Variants in ECPAS observed in about 807,000 individuals in gnomAD.
ECPAS encodes proteasome adapter and scaffold protein ECM29.
In ECPAS, 70 loss-of-function variants were observed where a neutral mutation model predicts 255.1. The observed-to-expected ratio is 0.27, with a 90% CI of 0.23 to 0.33. The LOEUF (loss-of-function observed/expected upper bound fraction) is 0.33, where lower values mean the gene tolerates loss of function less well. ECPAS is among the 10% of genes least tolerant of loss of function. The pLI is 1.00. For missense variants in ECPAS, 1,817 were observed against 2,206.4 expected, an observed-to-expected ratio of 0.82 and a Z score of 3.54; for synonymous variants, 784 against 775.0, an observed-to-expected ratio of 1.01 and a Z score of -0.19.
chr9:111,442,380 T>C lies in ECPAS; in HGVS notation c.315A>G (p.Pro105=). 1 of 1,612,888 alleles carries C rather than the reference T, an allele frequency of 6.2e-7. No homozygotes were observed. The highest frequency in any genetic ancestry group is 1.1e-5 in the South Asian group (1 of 90,686). ...IYVKMGYPRL[P]VEKQCELAPT... ...GGGCCAGTTCACATTGTTTTTCCAC[T>C]GGTAGGCGAGGATAGCCCATTTTAA... Residue 105 remains proline (P), a synonymous_variant, in exon 5 of 50, where the codon CCA becomes CCG. Transcript: ENST00000684092.
In ECPAS at chr9:111,366,460, G is replaced by A. The variant is rs137972310; in HGVS notation, c.5219+62C>T. The A allele has an allele frequency of 2.0e-4, 275 of 1,351,616 alleles. 4 individuals carry two copies. The East Asian group carries it at 6.2e-3, about 30-fold the overall frequency. The allele number at this position is 1,351,616 out of a possible 1,614,324, so 83.7% of individuals were successfully genotyped here. A position where few individuals can be genotyped will look rare whatever the true frequency, so the allele number is the denominator to read the frequency against. ...TTTTTAAATGTATAAAAATTCCATT[G>A]ATTATACATAAAATGCTGCGGGGAG... is the stretch of plus-strand genomic sequence containing the variant. On this transcript the variant is annotated intron_variant, in intron 47 of 49. Coordinates refer to ENST00000684092, the MANE Select transcript of ECPAS (RefSeq NM_001364929.1).
At chr9:111,363,694 C>A in intron 48 of ECPAS, 35 bp from the exon 49 acceptor site, 1 of 989,894 alleles carries the variant, frequency 1.0e-6, no homozygotes, top group Non-Finnish European at 1.5e-6. Flanking sequence ...ATATGGCCTG[C>A]CTGAAAAACA....
intron 2 of ECPAS, among the ~76,000 whole-genome samples, chr9:111,462,863 C>T (rs1052212557): frequency 6.6e-6 from 1 of 151,872 alleles, no homozygotes; most frequent in South Asian, 2.1e-4. Flanking sequence ...CTGCCTCAGC[C>T]TCCCAAATAG....
chr9:111,414,853 G>C (rs761752693), intron 18 of ECPAS, among the ~76,000 whole-genome samples: 10 of 152,178 alleles, frequency 6.6e-5, no homozygotes, highest in Admixed American at 2.0e-4. Context: ...AATTTTTTAA[G>C]ATTGTTAAAA....
At chr9:111,483,773 T>TGCGGAG (rs2098310744) in intron 1 of ECPAS, 2 of 174,920 alleles carry the variant, frequency 1.1e-5, no homozygotes, top group African/African-American at 4.9e-5. Context: ...CTCGCGCCTC[T>TGCGGAG]GCGGAGCCGC....
At chr9:111,388,866 G>A (rs115771555) in intron 31 of ECPAS, among the ~76,000 whole-genome samples, 3 of 152,080 alleles carry the variant, frequency 2.0e-5, no homozygotes, top group Non-Finnish European at 2.9e-5. Context: ...TGAGAGTAGA[G>A]GGGGAAGGTT....
intron 1 of ECPAS, among the ~76,000 whole-genome samples, chr9:111,478,276 C>A (rs950674143): frequency 2.0e-5 from 3 of 151,926 alleles, no homozygotes; most frequent in Non-Finnish European, 2.9e-5. Context: ...CGCCTGTAAT[C>A]CCAGCACTTT....
intron 9 of ECPAS, among the ~76,000 whole-genome samples, chr9:111,428,408 CATT>C (rs1234266010): frequency 6.6e-6 from 1 of 152,058 alleles, no homozygotes; most frequent in Non-Finnish European, 1.5e-5. Flanking sequence ...TTAATAAACT[CATT>C]ATTTTCAAAA....
intron 36 of ECPAS, among the ~76,000 whole-genome samples, chr9:111,377,545 C>T (rs181766012): frequency 5.3e-5 from 8 of 152,274 alleles, no homozygotes; most frequent in African/African-American, 1.9e-4. Context: ...TCAAAATCAC[C>T]TCACTGTAGA....
In ECPAS at chr9:111,375,199, G is replaced by C. The variant is rs762501949; in HGVS notation, c.4024C>G (p.Leu1342Val). ...SPMMETINMC[L>V]QYLDVSVLGE... ...AGCACTGACACATCAAGGTATTGCA[G>C]GCACTTTTGAAAAAGGACAAATATA... Residue 1342 changes from leucine to valine, a missense_variant, in exon 38 of 50, where the codon CTG (leucine) becomes GTG (valine). Coordinates refer to ENST00000684092, the MANE Select transcript of ECPAS (RefSeq NM_001364929.1). 6.2e-7 allele frequency: 1 copy of C among 1,613,310 alleles called. No homozygotes were observed. The highest frequency in any genetic ancestry group is 2.2e-5 in the East Asian group (1 of 44,832).
intron 24 of ECPAS, among the ~76,000 whole-genome samples, chr9:111,401,242 A>G (rs919093270): frequency 2.2e-4 from 34 of 152,168 alleles, no homozygotes; most frequent in African/African-American, 8.0e-4. Flanking sequence ...ATTTTCCCTA[A>G]GTGTCGGTTG....
intron 24 of ECPAS, among the ~76,000 whole-genome samples, chr9:111,398,583 G>A (rs2098170927): frequency 1.3e-5 from 2 of 152,180 alleles, no homozygotes; most frequent in East Asian, 1.9e-4. Flanking sequence ...GCAGGCGGCA[G>A]GGCAAAGTGG....
rs747365730 is a variant in ECPAS, at chr9:111,361,822, T to C, written c.*208A>G. 11 of 436,658 alleles carry C rather than the reference T, an allele frequency of 2.5e-5. No homozygotes were observed. The highest frequency in any genetic ancestry group is 2.1e-4 in the Admixed American group (5 of 23,810). The allele number at this position is 436,658 out of a possible 1,614,324, so 27.0% of individuals were successfully genotyped here. A position where few individuals can be genotyped will look rare whatever the true frequency, so the allele number is the denominator to read the frequency against. ...CACCCCTCAAACATCCAAGGTTCCA[T>C]TAAGCTCACTCAGCCCAGATACTTT... On this transcript the variant is annotated 3_prime_UTR_variant, in exon 50 of 50. Transcript: ENST00000684092.
chr9:111,398,436 G>A (rs958381602), intron 24 of ECPAS, among the ~76,000 whole-genome samples: 1 of 152,082 alleles, frequency 6.6e-6, no homozygotes, highest in Non-Finnish European at 1.5e-5. Flanking sequence ...ATACTATCTG[G>A]ACATTGCTGT....
At chr9:111,413,449 T>G (rs1475169767) in intron 20 of ECPAS, among the ~76,000 whole-genome samples, 2 of 152,178 alleles carry the variant, frequency 1.3e-5, no homozygotes, top group Non-Finnish European at 2.9e-5. Context: ...ATGCATGTTT[T>G]TATGTGTATG....
intron 22 of ECPAS, among the ~76,000 whole-genome samples, chr9:111,410,498 ATTGCTTTGTTTT>A (rs1011448933): frequency 6.6e-6 from 1 of 151,982 alleles, no homozygotes; most frequent in Non-Finnish European, 1.5e-5. Flanking sequence ...GAGTGCTTTC[ATTGCTTTGTTTT>A]TTGCTTTGTT....
intron 18 of ECPAS, 61 bp from the exon 19 acceptor site, chr9:111,414,712 A>G: frequency 2.1e-6 from 3 of 1,409,646 alleles, no homozygotes; most frequent in Non-Finnish European, 2.9e-6. Context: ...GTGGGAAGGT[A>G]CTCTTCAAAG....
At chr9:111,398,341 GT>G (rs2098170616) in intron 24 of ECPAS, among the ~76,000 whole-genome samples, 1 of 152,136 alleles carries the variant, frequency 6.6e-6, no homozygotes, top group Non-Finnish European at 1.5e-5. Context: ...ACCTGTACCT[GT>G]TTTTGCATGT....
At chr9:111,483,489 G>A (rs1229834331) in intron 1 of ECPAS, 1 of 978,110 alleles carries the variant, frequency 1.0e-6, no homozygotes, top group Non-Finnish European at 1.2e-6. Context: ...CCGCAGGTTC[G>A]GCCGCGGCAC....
Sources: gnomAD v4.1 joint callset for allele counts (sites outside exome capture counted in the v4.1 genomes callset) on GRCh38, gnomAD v4.1.1 for gene constraint, MANE v1.5 for transcripts, NCBI Gene and HGNC (gene_info 2026-07-23, HGNC 2026-07-21) for gene names.